KAT6B: variants seen among roughly 807,000 people sequenced by gnomAD.
KAT6B encodes histone acetyltransferase KAT6B.
Under a neutral mutation model 187.5 loss-of-function variants are expected in KAT6B, and 10 were observed. The observed-to-expected ratio is 0.05, with a 90% CI of 0.03 to 0.09. KAT6B has a LOEUF of 0.09. KAT6B is among the 10% of genes least tolerant of loss of function. KAT6B has a pLI of 1.00. For missense variants in KAT6B, 1,952 were observed against 2,558.9 expected (o/e 0.76, Z 5.12); for synonymous variants, 861 against 926.8 (o/e 0.93, Z 1.29).
intron 8 of KAT6B, 84 bp from the exon 9 acceptor site, chr10:74,977,231 CT>C: frequency 6.8e-7 from 1 of 1,466,476 alleles, no homozygotes; most frequent in Non-Finnish European, 9.5e-7. Flanking sequence ...GCCCAGTATG[CT>C]AATTTGGTGC....
At chr10:74,901,487 T>C (rs1281169141) in intron 3 of KAT6B, among the ~76,000 whole-genome samples, 1 of 152,222 alleles carries the variant, frequency 6.6e-6, no homozygotes, top group East Asian at 1.9e-4. Flanking sequence ...AATTTCATCC[T>C]TGGGTAAAAA....
chr10:74,949,420 A>T (rs1840165730), intron 3 of KAT6B, among the ~76,000 whole-genome samples: 1 of 152,122 alleles, frequency 6.6e-6, no homozygotes, highest in Admixed American at 6.5e-5. Flanking sequence ...ATCTACCAGG[A>T]AAACAAAACA....
intron 1 of KAT6B, among the ~76,000 whole-genome samples, chr10:74,834,361 C>T (rs1412416317): frequency 6.6e-6 from 1 of 152,064 alleles, no homozygotes; most frequent in Non-Finnish European, 1.5e-5. Flanking sequence ...CCACGCCTGG[C>T]TAATTTTTTG....
At chr10:74,975,327 T>TA in intron 7 of KAT6B, 72 bp from the exon 8 acceptor site, 2 of 1,284,788 alleles carry the variant, frequency 1.6e-6, no homozygotes, top group Non-Finnish European at 2.2e-6. Context: ...CTAGTTGCAA[T>TA]AAATTTGTTT....
intron 1 of KAT6B, among the ~76,000 whole-genome samples, chr10:74,830,756 ATATATATATATATTTTTTT>A (rs1840737447): frequency 3.9e-5 from 1 of 25,966 alleles, no homozygotes; most frequent in African/African-American, 2.5e-4. Flanking sequence ...ATATATATAT[ATATATATATATATTTTTTT>A]TTTTTTTTTT....
At chr10:75,001,227 A>G (rs1215835833) in intron 13 of KAT6B, among the ~76,000 whole-genome samples, 1 of 152,126 alleles carries the variant, frequency 6.6e-6, no homozygotes, top group Non-Finnish European at 1.5e-5. Flanking sequence ...TGGTTTAATG[A>G]CAGAGATTTC....
At chr10:74,926,733 A>G (rs1053256719) in intron 3 of KAT6B, among the ~76,000 whole-genome samples, 2 of 152,176 alleles carry the variant, frequency 1.3e-5, no homozygotes, top group African/African-American at 4.8e-5. Flanking sequence ...GTGAAACCCT[A>G]GAGTTTGATC....
intron 3 of KAT6B, among the ~76,000 whole-genome samples, chr10:74,935,136 A>G (rs1441037898): frequency 6.6e-6 from 1 of 152,252 alleles, no homozygotes; most frequent in African/African-American, 2.4e-5. Flanking sequence ...CTGACCTCAC[A>G]GGATTGTTGA....
intron 13 of KAT6B, among the ~76,000 whole-genome samples, chr10:74,997,968 C>T (rs1022967202): frequency 2.0e-5 from 3 of 151,946 alleles, no homozygotes; most frequent in African/African-American, 2.4e-5. Flanking sequence ...AGAAAATAGC[C>T]GGGCGTGGTG....
chr10:75,005,463 C>A (rs1302155918), intron 13 of KAT6B, among the ~76,000 whole-genome samples: 1 of 152,122 alleles, frequency 6.6e-6, no homozygotes, highest in African/African-American at 2.4e-5. Context: ...AGCGATCCAC[C>A]CACCTCAGCC....
intron 3 of KAT6B, among the ~76,000 whole-genome samples, chr10:74,902,504 A>G (rs1245855690): frequency 6.6e-6 from 1 of 152,236 alleles, no homozygotes; most frequent in Admixed American, 6.5e-5. Context: ...AAAATTTAAA[A>G]AACTAATAAA....
At chr10:75,013,363 T>C (rs1386977407) in intron 13 of KAT6B, among the ~76,000 whole-genome samples, 1 of 151,994 alleles carries the variant, frequency 6.6e-6, no homozygotes, top group Non-Finnish European at 1.5e-5. Flanking sequence ...GCAGAATTTT[T>C]TTTCATAGCC....
In KAT6B at chr10:75,029,238, G is replaced by C. The variant is rs771354799; in HGVS notation, c.4414G>C (p.Glu1472Gln). 1.2e-6 allele frequency: 2 copies of C among 1,614,110 alleles called. No individual in the cohort carries two copies. The highest frequency in any genetic ancestry group is 4.5e-5 in the East Asian group (2 of 44,882). The change falls in exon 18 of 18, where the codon GAG (glutamate) becomes CAG (glutamine). Residue 1472 changes from glutamate (E) to glutamine (Q), a missense_variant. Glu to Gln is a conservative substitution (Grantham distance 29, BLOSUM62 2). Transcript: ENST00000287239. This position sits in a 1 kb window ranked among gnomAD's most constrained non-coding sequence, Gnocchi z 6.2. ...TGTGCAGCCTGGTCACTCGAACCCA[G>C]AGGTCTTAATGGACTGTGGCGTCGA... is the stretch of plus-strand genomic sequence containing the variant. ...LNVQPGHSNP[E>Q]VLMDCGVDLT...
At chr10:74,850,309 CTTA>C (rs1428559049) in intron 3 of KAT6B, among the ~76,000 whole-genome samples, 1 of 152,060 alleles carries the variant, frequency 6.6e-6, no homozygotes, top group African/African-American at 2.4e-5. Flanking sequence ...ATGCAATGAG[CTTA>C]TTATAGTTTT....
At chr10:74,972,893 G>A (rs1841937410) in intron 7 of KAT6B, among the ~76,000 whole-genome samples, 1 of 152,178 alleles carries the variant, frequency 6.6e-6, no homozygotes, top group Non-Finnish European at 1.5e-5. Context: ...CAGGATGGAA[G>A]CAGAATGTAA....
chr10:75,012,317 T>A (rs1022834369), intron 13 of KAT6B, among the ~76,000 whole-genome samples: 3 of 152,074 alleles, frequency 2.0e-5, no homozygotes, highest in Non-Finnish European at 2.9e-5. Context: ...CATGGTGGTA[T>A]GCACTTGTTG....
At chr10:74,967,367 T>G (rs911851653) in intron 4 of KAT6B, among the ~76,000 whole-genome samples, 5 of 152,060 alleles carry the variant, frequency 3.3e-5, no homozygotes, top group African/African-American at 1.2e-4. Context: ...GAGGAAATTG[T>G]TGAGTTTATG....
At chr10:74,858,955 T>C (rs1842988676) in intron 3 of KAT6B, among the ~76,000 whole-genome samples, 1 of 151,964 alleles carries the variant, frequency 6.6e-6, no homozygotes, top group African/African-American at 2.4e-5. Context: ...ACTCCATCTC[T>C]GGAACTCCTG....
At position 74,957,701 on chromosome 10, in the gene KAT6B, C is replaced by T. The variant is rs548071485; in HGVS notation, c.622-2269C>T. Among the ~76,000 whole-genome samples the T allele has an allele frequency of 7.9e-5, 12 of 152,246 alleles. No homozygotes were observed. In the South Asian group the frequency reaches 8.3e-4, roughly 11 times the overall value. On this transcript the variant is annotated intron_variant, in intron 3 of 17. Coordinates refer to ENST00000287239, the MANE Select transcript of KAT6B (RefSeq NM_012330.4). ...TTATATCAAATGAAAGCAGGAATCC[C>T]GTTAGTAAGAGGACCGGGTTTTAGC...
Sources: gnomAD v4.1 joint callset for allele counts (sites outside exome capture counted in the v4.1 genomes callset) on GRCh38, gnomAD v4.1.1 for gene constraint, Gnocchi (gnomAD v3.1) non-coding constraint, MANE v1.5 for transcripts, NCBI Gene and HGNC (gene_info 2026-07-23, HGNC 2026-07-21) for gene names.